The following TRPC6 variants were observed in gnomAD, a reference collection of about 807,000 sequenced individuals.
TRPC6 encodes transient receptor potential cation channel subfamily C member 6.
Under a neutral mutation model 90.7 loss-of-function variants are expected in TRPC6, and 55 were observed. The observed-to-expected ratio is 0.61, with a 90% CI of 0.49 to 0.76. The LOEUF (loss-of-function observed/expected upper bound fraction) is 0.76, where lower values mean the gene tolerates loss of function less well. Among genes scored for constraint, TRPC6 ranks in the 30% least tolerant of loss-of-function variants. TRPC6 has a pLI of 0.00. For synonymous variants in TRPC6, 393 were observed against 393.0 expected (o/e 1.00, Z 0.00); for missense variants, 989 against 1,122.7 (o/e 0.88, Z 1.70).
In TRPC6 at chr11:101,452,375, A is replaced by C. The variant is rs191323775; in HGVS notation, c.*580T>G. On this transcript the variant is annotated 3_prime_UTR_variant, in exon 13 of 13. Coordinates refer to ENST00000344327, the MANE Select transcript of TRPC6 (RefSeq NM_004621.6). ...TAAGTGTAATGTTTTCAAATAGATG[A>C]ATCAGAAAATTTTACATAGATGTAA... 2 of 154,236 alleles carry C rather than the reference A, an allele frequency of 1.3e-5. No individual in the cohort carries two copies. Among genetic ancestry groups the C allele is most frequent in the Non-Finnish European group, 2.9e-5 (2 of 69,280 alleles). The allele number at this position is 154,236 out of a possible 1,614,324, so 9.6% of individuals were successfully genotyped here.
At chr11:101,462,202 T>C (rs972902445) in intron 10 of TRPC6, among the ~76,000 whole-genome samples, 11 of 76,760 alleles carry the variant, frequency 1.4e-4, no homozygotes, top group Non-Finnish European at 2.5e-4. Context: ...TACCATGCTG[T>C]TTGGTTACTG....
At chr11:101,566,512 G>T (rs1391981167) in intron 1 of TRPC6, among the ~76,000 whole-genome samples, 1 of 152,118 alleles carries the variant, frequency 6.6e-6, no homozygotes, top group Non-Finnish European at 1.5e-5. Flanking sequence ...TTGTAGGATT[G>T]TTAAAAAATA....
intron 1 of TRPC6, among the ~76,000 whole-genome samples, chr11:101,548,213 A>G (rs7942189): frequency 0.26 from 38,037 of 145,006 alleles, 5,434 homozygotes; most frequent in Middle Eastern, 0.37. Context: ...AAAATTTATC[A>G]TCTCATTTAA....
Position 101,504,796 on chromosome 11 carries a change from C to T in TRPC6, c.173G>A (p.Arg58Gln), listed in dbSNP as rs202230574. Residue 58 changes from arginine (R) to glutamine (Q), a missense_variant and splice_region_variant, in exon 2 of 13, where the codon CGG becomes CAG. Physicochemically the swap from Arg to Gln is conservative, Grantham distance 43. This residue lies in a region of TRPC6 where 194 missense variants were observed against 136.5 expected (regional missense o/e 1.42). Transcript: ENST00000344327. Reference sequence around the variant, plus strand: ...GTGAGCCAGTCTGTTGTCAGATCCCCGGCTGCAATAAAACAGAAAGATTGT... The same window carrying T: ...GTGAGCCAGTCTGTTGTCAGATCCCTGGCTGCAATAAAACAGAAAGATTGT... ...LPCYGYYPCF[R>Q]GSDNRLAHRR... The T allele has an allele frequency of 1.9e-4, 307 of 1,611,296 alleles. 1 individual carries two copies. Among genetic ancestry groups the T allele is most frequent in the Non-Finnish European group, 2.4e-4 (284 of 1,178,878 alleles).
chr11:101,502,659 C>T (rs183547072), intron 2 of TRPC6, among the ~76,000 whole-genome samples: 6 of 152,060 alleles, frequency 3.9e-5, no homozygotes, highest in East Asian at 3.9e-4. Flanking sequence ...AGGAGTCAAG[C>T]GAAAAGTAGG....
intron 9 of TRPC6, 99 bp downstream of exon 9, chr11:101,471,084 G>A (rs1468656547): frequency 1.7e-6 from 2 of 1,153,444 alleles, no homozygotes; most frequent in Non-Finnish European, 1.3e-6. Context: ...ATGAATGGAT[G>A]TGTCATCAGG....
chr11:101,543,523 AC>A (rs1861224070), intron 1 of TRPC6, among the ~76,000 whole-genome samples: 1 of 152,148 alleles, frequency 6.6e-6, no homozygotes, highest in African/African-American at 2.4e-5. Flanking sequence ...TGGTACTGGT[AC>A]CAAAACAGAT....
intron 1 of TRPC6, among the ~76,000 whole-genome samples, chr11:101,516,656 A>G (rs1860530265): frequency 6.6e-6 from 1 of 152,240 alleles, no homozygotes; most frequent in African/African-American, 2.4e-5. Flanking sequence ...AACATGAGAT[A>G]AGCAGAGCAG....
At chr11:101,469,856 A>G (rs181650391) in intron 9 of TRPC6, among the ~76,000 whole-genome samples, 118 of 152,322 alleles carry the variant, frequency 7.7e-4, no homozygotes, top group African/African-American at 2.7e-3. Flanking sequence ...ACATTTAAAG[A>G]AAGCTTTAAA....
intron 10 of TRPC6, among the ~76,000 whole-genome samples, chr11:101,461,608 A>G (rs918998517): frequency 1.3e-5 from 2 of 152,176 alleles, no homozygotes; most frequent in Non-Finnish European, 2.9e-5. Flanking sequence ...TTTGAGTTGA[A>G]TACCTTTTGG....
intron 2 of TRPC6, among the ~76,000 whole-genome samples, chr11:101,492,575 CCTGT>C (rs1290367844): frequency 7.8e-6 from 1 of 127,486 alleles, no homozygotes; most frequent in Non-Finnish European, 1.6e-5. Flanking sequence ...AAAGCGAGAC[CCTGT>C]CTAAAAAAAA....
At chr11:101,475,963 G>C (rs1859407142) in intron 6 of TRPC6, among the ~76,000 whole-genome samples, 1 of 151,130 alleles carries the variant, frequency 6.6e-6, no homozygotes, top group South Asian at 2.1e-4. Flanking sequence ...GATACAGAGA[G>C]ATAGATCAAA....
chr11:101,502,223 A>T (rs1334137425), intron 2 of TRPC6, among the ~76,000 whole-genome samples: 1 of 152,152 alleles, frequency 6.6e-6, no homozygotes, highest in South Asian at 2.1e-4. Flanking sequence ...TGAAGAATTT[A>T]CATCCTGGTT....
chr11:101,479,701 C>G (rs1859500974), intron 5 of TRPC6, among the ~76,000 whole-genome samples: 2 of 152,250 alleles, frequency 1.3e-5, no homozygotes, highest in African/African-American at 4.8e-5. Context: ...AAAGCATCAG[C>G]TATCCTGAGT....
Position 101,562,703 on chromosome 11 carries a change from A to G in TRPC6, c.170+20631T>C, listed in dbSNP as rs73584465. Among the ~76,000 whole-genome samples the G allele has an allele frequency of 6.7e-3, 1,015 of 152,296 alleles. 13 individuals carry two copies. The highest frequency in any genetic ancestry group is 0.023 in the African/African-American group (957 of 41,562). On this transcript the variant is annotated intron_variant, in intron 1 of 12. Coordinates refer to ENST00000344327, the MANE Select transcript of TRPC6 (RefSeq NM_004621.6). ...TTCTTTCTGACCCCTGTGAAATATGACATTGAAAGTAAGTATAAAAAATAC... is the reference window on the plus strand; with the variant it reads ...TTCTTTCTGACCCCTGTGAAATATGGCATTGAAAGTAAGTATAAAAAATAC...
intron 4 of TRPC6, among the ~76,000 whole-genome samples, chr11:101,487,601 T>C (rs537119324): frequency 2.2e-4 from 33 of 151,228 alleles, no homozygotes; most frequent in Non-Finnish European, 4.7e-4. Context: ...ACACATTATT[T>C]TTCCAGGCAA....
At chr11:101,474,018 T>C (rs529311867) in intron 6 of TRPC6, among the ~76,000 whole-genome samples, 3 of 152,318 alleles carry the variant, frequency 2.0e-5, no homozygotes, top group African/African-American at 4.8e-5. Context: ...GTTCAGACTA[T>C]AGACTCAGTA....
rs1174005732 is a variant in TRPC6, at chr11:101,473,717, T to C, written c.1801A>G (p.Ile601Val). ...PQIISEGLYA[I>V]AVVLSFSRIA... is the part of the protein sequence containing the mutation. The stretch of plus-strand genomic sequence containing the variant: ...CTAGAGAAACTTAAAACTACAGCAA[T>C]TGCATAAAGACCTTCAGATATTATT... The change falls in exon 7 of 13, where the codon ATT (isoleucine) becomes GTT (valine). Residue 601 changes from isoleucine (I) to valine (V), a missense_variant. This residue lies in a region of TRPC6 where 118 missense variants were observed against 197.6 expected (regional missense o/e 0.60). Coordinates refer to ENST00000344327, the MANE Select transcript of TRPC6 (RefSeq NM_004621.6). The C allele has an allele frequency of 6.2e-7, 1 of 1,613,612 alleles. No individual in the cohort carries two copies. The highest frequency in any genetic ancestry group is 1.3e-5 in the African/African-American group (1 of 74,892).
intron 10 of TRPC6, among the ~76,000 whole-genome samples, chr11:101,467,714 G>A (rs1859182762): frequency 1.3e-5 from 2 of 152,152 alleles, no homozygotes; most frequent in Non-Finnish European, 2.9e-5. Flanking sequence ...AGGACTTGTG[G>A]GCCACATATG....
Sources: allele counts gnomAD v4.1 joint callset (sites outside exome capture counted in the v4.1 genomes callset), GRCh38; gene constraint gnomAD v4.1.1; regional missense constraint gnomAD v4.1.1; transcripts MANE v1.5; gene names NCBI Gene and HGNC (gene_info 2026-07-23, HGNC 2026-07-21).